ZNF335: variants seen among roughly 807,000 people sequenced by gnomAD.
ZNF335 encodes zinc finger protein 335.
Under a neutral mutation model 145.6 loss-of-function variants are expected in ZNF335, and 84 were observed. The ratio of observed to expected loss-of-function variants is 0.58; its 90% CI spans 0.48 to 0.69. ZNF335 has a LOEUF of 0.69. Ranked by LOEUF, ZNF335 falls within the 30% of genes least tolerant of loss-of-function variation. ZNF335 has a pLI of 0.00. For synonymous variants in ZNF335, 761 were observed against 717.0 expected, an observed-to-expected ratio of 1.06 and a Z score of -0.98; for missense variants, 1,865 against 1,809.7, an observed-to-expected ratio of 1.03 and a Z score of -0.55.
In ZNF335 at chr20:45,948,906, C is replaced by T. The variant is rs947249436; in HGVS notation, c.*47G>A. On this transcript the variant is annotated 3_prime_UTR_variant, in exon 28 of 28. Coordinates refer to ENST00000322927, the MANE Select transcript of ZNF335 (RefSeq NM_022095.4). ...GTGAGTCCTGGTGGCCCCCTACCCC[C>T]AGGAGAGCTGGCCGCAAATCCATGA... 3.1e-6 allele frequency: 5 copies of T among 1,612,848 alleles called. No homozygotes were observed. Among genetic ancestry groups the T allele is most frequent in the Admixed American group, 3.3e-5 (2 of 60,008 alleles).
rs1388157499 is a variant in ZNF335, at chr20:45,962,170, T to A, written c.1546A>T (p.Asn516Tyr). The A allele has an allele frequency of 1.2e-6, 2 of 1,614,080 alleles. No homozygotes were observed. Residue 516 changes from asparagine (N) to tyrosine (Y), a missense_variant, in exon 10 of 28, where the codon AAC (asparagine) becomes TAC (tyrosine). Transcript: ENST00000322927. ...TTGTAGGGCTTGCTGCCCACGTGGTTGAACATGTGCTCCTGGGAGACAGAC... is the reference window on the plus strand; with the variant it reads ...TTGTAGGGCTTGCTGCCCACGTGGTAGAACATGTGCTCCTGGGAGACAGAC... ...RWSSLKEHMF[N>Y]HVGSKPYKCD...
At chr20:45,969,736 A>G (rs1600552731) in intron 2 of ZNF335, 45 bp from the exon 3 acceptor site, 1 of 1,597,944 alleles carries the variant, frequency 6.3e-7, no homozygotes, top group Non-Finnish European at 8.5e-7. Flanking sequence ...GCAGCTGGGT[A>G]TGGGGCAGGG....
At chr20:45,956,151 T>TG (rs2083724309) in intron 17 of ZNF335, among the ~76,000 whole-genome samples, 2 of 152,152 alleles carry the variant, frequency 1.3e-5, no homozygotes, top group African/African-American at 4.8e-5. Flanking sequence ...ACCCATTTAC[T>TG]GGGTATCTGA....
At chr20:45,969,398 T>C (rs893577431) in intron 3 of ZNF335, 53 bp downstream of exon 3, 1 of 1,451,572 alleles carries the variant, frequency 6.9e-7, no homozygotes, top group Non-Finnish European at 9.2e-7. Context: ...TGGGCACAGC[T>C]GGCTGCCGGA....
intron 6 of ZNF335, 116 bp from the exon 7 acceptor site, chr20:45,965,890 G>T: frequency 8.1e-7 from 1 of 1,240,158 alleles, no homozygotes; most frequent in Non-Finnish European, 1.1e-6. Flanking sequence ...AGCCCACAGC[G>T]ATGCCTCCTC....
intron 20 of ZNF335, among the ~76,000 whole-genome samples, chr20:45,951,593 G>C (rs567935210): frequency 6.4e-4 from 98 of 152,248 alleles, no homozygotes; most frequent in Non-Finnish European, 1.2e-3. Context: ...GTGTGACCTA[G>C]ATTACTCGTA....
At chr20:45,953,321 G>A (rs991935138) in intron 18 of ZNF335, among the ~76,000 whole-genome samples, 1 of 152,162 alleles carries the variant, frequency 6.6e-6, no homozygotes, top group Non-Finnish European at 1.5e-5. Context: ...GAACACCTGG[G>A]ATCACCCAAG....
Position 45,952,320 on chromosome 20 carries a change from G to A in ZNF335, c.3016C>T (p.Pro1006Ser), listed in dbSNP as rs1290161992. ...TSKALGLAVP[P>S]SPPSAATAAS... is the part of the protein sequence containing the mutation. The stretch of plus-strand genomic sequence containing the variant: ...GCAGTGGCTGCAGATGGCGGTGACG[G>A]GGGCACTGCCAGGCCCAGGGCTTTG... Residue 1006 changes from proline to serine, a missense_variant, in exon 20 of 28, where the codon CCG (proline) becomes TCG (serine). Pro to Ser is a moderately conservative substitution (Grantham distance 74). Transcript: ENST00000322927. 1 of 1,613,288 alleles carries A rather than the reference G, an allele frequency of 6.2e-7. No individual in the cohort carries two copies. Among genetic ancestry groups the A allele is most frequent in the African/African-American group, 1.3e-5 (1 of 74,928 alleles).
chr20:45,957,548 G>A lies in ZNF335; in HGVS notation c.2442+38C>T, dbSNP rs377235463. 2.8e-5 allele frequency: 44 copies of A among 1,592,602 alleles called. No homozygotes were observed. In the African/African-American group the frequency reaches 2.8e-4, roughly 10 times the overall value. On this transcript the variant is annotated intron_variant, in intron 17 of 27. Transcript: ENST00000322927. ...GTCCAGTGCAGGGCTGGGTACCTGC[G>A]GTAGCTGGGAAGGGGAGCAGGTTCC...
At chr20:45,966,173 C>T (rs1239094838) in intron 6 of ZNF335, among the ~76,000 whole-genome samples, 1 of 152,026 alleles carries the variant, frequency 6.6e-6, no homozygotes, top group Non-Finnish European at 1.5e-5. Flanking sequence ...CTAGTCCAAA[C>T]TGAGATATAA....
intron 17 of ZNF335, among the ~76,000 whole-genome samples, chr20:45,956,483 G>A (rs1056188440): frequency 3.3e-5 from 5 of 151,968 alleles, no homozygotes; most frequent in African/African-American, 9.7e-5. Context: ...CCACCTTGGC[G>A]TCCCAAAGTG....
chr20:45,950,310 C>T lies in ZNF335; in HGVS notation c.3396G>A (p.Lys1132=). The change falls in exon 22 of 28, where the codon AAG becomes AAA. Residue 1132 remains lysine, a synonymous_variant. Transcript: ENST00000322927. ...IQRLHSPDGR[K]SGTPTARAPT... is the part of the protein sequence containing the mutation. ...GGGCCCGGGCTGTAGGGGTTCCTGA[C>T]TTCCTCCCATCAGGACTGTGCAGCC... 4 of 1,567,574 alleles carry T rather than the reference C, an allele frequency of 2.6e-6. No individual in the cohort carries two copies. The highest frequency in any genetic ancestry group is 3.5e-6 in the Non-Finnish European group (4 of 1,154,858).
rs745788143 is a variant in ZNF335, at chr20:45,971,481, G to A, written c.-50-21C>T. On this transcript the variant is annotated intron_variant, in intron 1 of 27. Transcript: ENST00000322927. ...TCACTCTGAGAAGAGAGGTGACCGT[G>A]GCTGGAACAAGTGGGCCATCTCCCC... is the stretch of plus-strand genomic sequence containing the variant. 28 of 1,567,928 alleles carry A rather than the reference G, an allele frequency of 1.8e-5. No homozygotes were observed. In the East Asian group the frequency reaches 5.3e-4, roughly 30 times the overall value.
Position 45,963,936 on chromosome 20 carries a change from G to T in ZNF335, c.1157C>A (p.Pro386Gln). ...GGAGCTGGGAGCCTCGGGATCCTGT[G>T]GCTCTGGAGGGCTCTGTCCACTCTG... ...SSQSGQSPPEPQDPEAPSSSG... is the reference protein window; with the variant it reads ...SSQSGQSPPEQQDPEAPSSSG... Residue 386 changes from proline to glutamine, a missense_variant, in exon 8 of 28, where the codon CCA becomes CAA. By Grantham distance (76) the Pro-to-Gln change is moderately conservative. Coordinates refer to ENST00000322927, the MANE Select transcript of ZNF335 (RefSeq NM_022095.4). 6.4e-7 allele frequency: 1 copy of T among 1,552,840 alleles called. No individual in the cohort carries two copies. The highest frequency in any genetic ancestry group is 1.7e-4 in the Middle Eastern group (1 of 5,736).
At chr20:45,971,166 T>C (rs756636694) in intron 2 of ZNF335, 44 bp downstream of exon 2, 1 of 1,475,600 alleles carries the variant, frequency 6.8e-7, no homozygotes, top group South Asian at 1.4e-5. Flanking sequence ...GCACTGCTGC[T>C]CGCGGTCCTT....
chr20:45,961,808 TCAA>T (rs1474042226), intron 10 of ZNF335: 1 of 422,806 alleles, frequency 2.4e-6, no homozygotes, highest in African/African-American at 2.0e-5. Flanking sequence ...TTCAATCCCT[TCAA>T]CAACTGTCCC....
rs1229325495 is a variant in ZNF335, at chr20:45,952,691, C to T, written c.2721G>A (p.Glu907=). Residue 907 remains glutamate (E), a synonymous_variant, in exon 19 of 28, where the codon GAG becomes GAA. Coordinates refer to ENST00000322927, the MANE Select transcript of ZNF335 (RefSeq NM_022095.4). ...CACTCACAACCACAGCCTGGGCTGC[C>T]TCTCCTGCGGGCTCCTCGCTGTGGG... ...GTPYSEEPAG[E]AAQAVVVSDT... is the part of the protein sequence containing the mutation. 1 of 1,613,698 alleles carries T rather than the reference C, an allele frequency of 6.2e-7. No individual in the cohort carries two copies. Among genetic ancestry groups the T allele is most frequent in the Non-Finnish European group, 8.5e-7 (1 of 1,179,980 alleles).
intron 6 of ZNF335, 49 bp downstream of exon 6, chr20:45,967,445 T>G: frequency 6.2e-7 from 1 of 1,613,884 alleles, no homozygotes; most frequent in Non-Finnish European, 8.5e-7. Flanking sequence ...TCAGTGAGTA[T>G]GTCTAGATGG....
In ZNF335 at chr20:45,953,782, G is replaced by A. The variant is rs765125518; in HGVS notation, c.2609C>T (p.Thr870Ile). 1.9e-6 allele frequency: 3 copies of A among 1,614,192 alleles called. No individual in the cohort carries two copies. Among genetic ancestry groups the A allele is most frequent in the Middle Eastern group, 1.6e-4 (1 of 6,062 alleles). Residue 870 changes from threonine (T) to isoleucine (I), a missense_variant, in exon 18 of 28, where the codon ACC becomes ATC. Transcript: ENST00000322927. The part of the protein sequence containing the change: ...QLGPPDLPQI[T>I]LAPGPFGGTG... ...CCCACCAAATGGACCAGGTGCCAGG[G>A]TGATCTGCGGTAGGTCAGGAGGGCC...
Sources: allele counts gnomAD v4.1 joint callset (sites outside exome capture counted in the v4.1 genomes callset), GRCh38; gene constraint gnomAD v4.1.1; transcripts MANE v1.5; gene names NCBI Gene and HGNC (gene_info 2026-07-23, HGNC 2026-07-21).